The following ZBTB4 variants were observed in gnomAD, a reference collection of about 807,000 sequenced individuals.
ZBTB4 encodes zinc finger and BTB domain containing 4.
Under a neutral mutation model 59.8 loss-of-function variants are expected in ZBTB4, and 14 were observed. The observed-to-expected ratio is 0.23, with a 90% CI of 0.15 to 0.37. The LOEUF is 0.37. Ranked by LOEUF, ZBTB4 falls within the 10% of genes least tolerant of loss-of-function variation. The pLI is 1.00. For synonymous variants in ZBTB4, 587 were observed against 575.2 expected, an observed-to-expected ratio of 1.02 and a Z score of -0.29; for missense variants, 1,198 against 1,380.8, an observed-to-expected ratio of 0.87 and a Z score of 2.10.
chr17:7,483,209 C>G (rs2070370538), upstream of ZBTB4: 2 of 965,160 alleles, frequency 2.1e-6, no homozygotes, highest in South Asian at 3.5e-5. Flanking sequence ...GGAGACCAGG[C>G]TGGGTCCTGG....
At position 7,463,653 on chromosome 17, in the gene ZBTB4, G is replaced by A. The variant is rs766405267; in HGVS notation, c.1329C>T (p.Leu443=). The A allele has an allele frequency of 6.2e-7, 1 of 1,613,258 alleles. No individual in the cohort carries two copies. Among genetic ancestry groups the A allele is most frequent in the Admixed American group, 1.7e-5 (1 of 59,918 alleles). Residue 443 remains leucine, a synonymous_variant, in exon 4 of 4, where the codon CTC becomes CTT. Coordinates refer to ENST00000380599, the MANE Select transcript of ZBTB4 (RefSeq NM_001128833.2). ...GAPEAPLSPT[L]NTPAPVAMPA... The stretch of plus-strand genomic sequence containing the variant: ...GCATTGCCACAGGGGCCGGTGTGTT[G>A]AGGGTTGGAGAAAGGGGAGCCTCCG...
intron 1 of ZBTB4, among the ~76,000 whole-genome samples, chr17:7,478,206 C>T (rs1355323457): frequency 6.6e-6 from 1 of 152,122 alleles, no homozygotes; most frequent in Admixed American, 6.5e-5. Context: ...CTACAAACAA[C>T]GTCACAAAAG....
intron 1 of ZBTB4, among the ~76,000 whole-genome samples, chr17:7,475,044 A>G (rs1206693356): frequency 3.0e-5 from 4 of 131,618 alleles, no homozygotes; most frequent in Non-Finnish European, 4.8e-5. Context: ...AAGGCCAGGT[A>G]TGGCCAACTC....
At chr17:7,477,850 C>T (rs1412595321) in intron 1 of ZBTB4, among the ~76,000 whole-genome samples, 1 of 152,154 alleles carries the variant, frequency 6.6e-6, no homozygotes, top group Non-Finnish European at 1.5e-5. Flanking sequence ...AAGCTTACTT[C>T]CCTTGTGGCC....
At chr17:7,477,261 A>T (rs1022542302) in intron 1 of ZBTB4, among the ~76,000 whole-genome samples, 1 of 152,166 alleles carries the variant, frequency 6.6e-6, no homozygotes, top group South Asian at 2.1e-4. Flanking sequence ...TCCGTTTCCC[A>T]TGTGCTTTTG....
chr17:7,466,858 A>G lies in ZBTB4; in HGVS notation c.-9-48T>C. 2 of 1,454,060 alleles carry G rather than the reference A, an allele frequency of 1.4e-6. No homozygotes were observed. The highest frequency in any genetic ancestry group is 1.8e-6 in the Non-Finnish European group (2 of 1,106,814). The allele number at this position is 1,454,060 out of a possible 1,614,324, so 90.1% of individuals were successfully genotyped here. A position where few individuals can be genotyped will look rare whatever the true frequency, so the allele number is the denominator to read the frequency against. On this transcript the variant is annotated intron_variant, in intron 2 of 3. Transcript: ENST00000380599. This position sits in a 1 kb window ranked among gnomAD's most constrained non-coding sequence, Gnocchi z 9.1. ...GGGTAGAGTCTCAGAGGCTGGGCAG[A>G]GGGCAGGGGCTTCTAAAATCAGGCA...
Position 7,463,631 on chromosome 17 carries a change from T to C in ZBTB4, c.1351A>G (p.Met451Val), listed in dbSNP as rs1399946361. The C allele has an allele frequency of 6.2e-7, 1 of 1,609,268 alleles. No individual in the cohort carries two copies. The highest frequency in any genetic ancestry group is 1.3e-5 in the African/African-American group (1 of 74,798). The change falls in exon 4 of 4, where the codon ATG (methionine) becomes GTG (valine). Residue 451 changes from methionine to valine, a missense_variant. By Grantham distance (21) the Met-to-Val change is conservative. Transcript: ENST00000380599. ...GGCCCAGGCGGCGGGCTGGCTGGCATTGCCACAGGGGCCGGTGTGTTGAGG... is the reference window on the plus strand; with the variant it reads ...GGCCCAGGCGGCGGGCTGGCTGGCACTGCCACAGGGGCCGGTGTGTTGAGG... ...PTLNTPAPVA[M>V]PASPPPGPPP...
intron 1 of ZBTB4, among the ~76,000 whole-genome samples, chr17:7,476,290 G>A (rs1276296778): frequency 6.6e-6 from 1 of 152,112 alleles, no homozygotes; most frequent in Non-Finnish European, 1.5e-5. Context: ...GGCAGTCAAG[G>A]GCTCTGGTCT....
chr17:7,473,646 A>G (rs2070230307), intron 1 of ZBTB4, among the ~76,000 whole-genome samples: 1 of 151,600 alleles, frequency 6.6e-6, no homozygotes, highest in African/African-American at 2.4e-5. Context: ...TCCTGGGCTC[A>G]AATGATCCTC....
chr17:7,477,235 A>G (rs563767600), intron 1 of ZBTB4, among the ~76,000 whole-genome samples: 19 of 152,356 alleles, frequency 1.2e-4, no homozygotes, highest in African/African-American at 4.1e-4. Flanking sequence ...CCCCCAGACT[A>G]TAGCCACTTT....
intron 1 of ZBTB4, among the ~76,000 whole-genome samples, chr17:7,468,415 T>A (rs1167996303): frequency 6.6e-6 from 1 of 151,898 alleles, no homozygotes; most frequent in Admixed American, 6.6e-5. Context: ...AGCAGACAAC[T>A]GAAACGCAAG....
chr17:7,482,278 T>C, upstream of ZBTB4: 1 of 1,614,042 alleles, frequency 6.2e-7, no homozygotes, highest in East Asian at 2.2e-5. Flanking sequence ...TGGGACCTCC[T>C]GACATCCGAG....
In ZBTB4 at chr17:7,461,886, G is replaced by T; in HGVS notation, c.*54C>A. On this transcript the variant is annotated 3_prime_UTR_variant, in exon 4 of 4. Coordinates refer to ENST00000380599, the MANE Select transcript of ZBTB4 (RefSeq NM_001128833.2). ...CAGGGAGGCCAGGGAGCTGGTAGTG[G>T]TGGGGGGTTCAGGGAGGGTGGCATC... The T allele has an allele frequency of 6.8e-7, 1 of 1,460,256 alleles. No homozygotes were observed. Among genetic ancestry groups the T allele is most frequent in the Non-Finnish European group, 9.2e-7 (1 of 1,084,364 alleles). 90.5% of individuals were successfully genotyped at this position (1,460,256 alleles called of 1,614,324 possible).
intron 3 of ZBTB4, among the ~76,000 whole-genome samples, chr17:7,465,490 ATTGT>A (rs1310187816): frequency 6.6e-6 from 1 of 151,696 alleles, no homozygotes; most frequent in Non-Finnish European, 1.5e-5. Flanking sequence ...AGAAAAAAAA[ATTGT>A]TTGTAGAGAT....
intron 1 of ZBTB4, among the ~76,000 whole-genome samples, chr17:7,476,846 G>A (rs535881394): frequency 1.3e-3 from 192 of 152,334 alleles, no homozygotes; most frequent in African/African-American, 4.4e-3. Flanking sequence ...CAACTGGGGA[G>A]AAGAGTGTTG....
At position 7,461,173 on chromosome 17, in the gene ZBTB4, G is replaced by A. The variant is rs2070014414; in HGVS notation, c.*767C>T. 6.5e-6 allele frequency: 1 copy of A among 152,840 alleles called. No individual in the cohort carries two copies. The highest frequency in any genetic ancestry group is 2.1e-4 in the South Asian group (1 of 4,824). The allele number at this position is 152,840 out of a possible 1,614,324, so 9.5% of individuals were successfully genotyped here. A position where few individuals can be genotyped will look rare whatever the true frequency, so the allele number is the denominator to read the frequency against. The stretch of plus-strand genomic sequence containing the variant: ...GCCTTGGAAGAATCTGGAGCTCACT[G>A]GATTTGGGGGTCAAGATAGGGCCAA... On this transcript the variant is annotated 3_prime_UTR_variant, in exon 4 of 4. Coordinates refer to ENST00000380599, the MANE Select transcript of ZBTB4 (RefSeq NM_001128833.2).
intron 1 of ZBTB4, among the ~76,000 whole-genome samples, chr17:7,468,854 T>G (rs2070162054): frequency 6.6e-6 from 1 of 152,150 alleles, no homozygotes; most frequent in Non-Finnish European, 1.5e-5. Flanking sequence ...TCCTGACACC[T>G]CTCCTGGATG....
At chr17:7,471,937 A>T (rs2070202655) in intron 1 of ZBTB4, among the ~76,000 whole-genome samples, 1 of 152,166 alleles carries the variant, frequency 6.6e-6, no homozygotes, top group Admixed American at 6.6e-5. Flanking sequence ...TCTACTCTTC[A>T]GTGCCTGTGT....
chr17:7,466,955 G>C lies in ZBTB4; in HGVS notation c.-9-145C>G, dbSNP rs2070137013. 1 of 1,399,782 alleles carries C rather than the reference G, an allele frequency of 7.1e-7. No individual in the cohort carries two copies. Among genetic ancestry groups the C allele is most frequent in the African/African-American group, 1.4e-5 (1 of 69,072 alleles). 86.7% of individuals were successfully genotyped at this position (1,399,782 alleles called of 1,614,324 possible). A position where few individuals can be genotyped will look rare whatever the true frequency, so the allele number is the denominator to read the frequency against. On this transcript the variant is annotated intron_variant, in intron 2 of 3. Coordinates refer to ENST00000380599, the MANE Select transcript of ZBTB4 (RefSeq NM_001128833.2). The surrounding 1 kb of genome is among the most constrained non-coding windows in gnomAD (Gnocchi z 9.1). Reference sequence around the variant, plus strand: ...TCACTTCTGGTCACAGAAGTCAGGGGTTGGCCCTTAGCCACCCAAGTCTGG... The same window carrying C: ...TCACTTCTGGTCACAGAAGTCAGGGCTTGGCCCTTAGCCACCCAAGTCTGG...
Sources: gnomAD v4.1 joint callset for allele counts (sites outside exome capture counted in the v4.1 genomes callset) on GRCh38, gnomAD v4.1.1 for gene constraint, Gnocchi (gnomAD v3.1) non-coding constraint, MANE v1.5 for transcripts, NCBI Gene and HGNC (gene_info 2026-07-23, HGNC 2026-07-21) for gene names.